Variants in PLEKHH2 observed in about 807,000 individuals in gnomAD.
The protein encoded by PLEKHH2 is pleckstrin homology, MyTH4 and FERM domain containing H2, also known as pleckstrin homology domain-containing family H member 2.
PLEKHH2 carries 129 observed loss-of-function variants against 187.9 expected under a neutral mutation model. The ratio of observed to expected loss-of-function variants is 0.69; its 90% CI spans 0.59 to 0.79. PLEKHH2 has a LOEUF of 0.79. Among genes scored for constraint, PLEKHH2 ranks in the 30% least tolerant of loss-of-function variants. The probability of loss-of-function intolerance (pLI) is 0.00; values close to 1 mark genes in which losing one functional copy is unlikely to be tolerated. For missense variants in PLEKHH2, 2,076 were observed against 1,751.2 expected (o/e 1.19, Z -3.31); for synonymous variants, 686 against 605.6 (o/e 1.13, Z -1.95).
At chr2:43,709,728 C>T (rs1347659044) in intron 11 of PLEKHH2, among the ~76,000 whole-genome samples, 2 of 152,112 alleles carry the variant, frequency 1.3e-5, no homozygotes, top group African/African-American at 4.8e-5. Flanking sequence ...CCCAGCTACT[C>T]GGGAGGCTGA....
At chr2:43,655,487 T>C (rs1666708981) in intron 2 of PLEKHH2, among the ~76,000 whole-genome samples, 1 of 152,180 alleles carries the variant, frequency 6.6e-6, no homozygotes, top group Non-Finnish European at 1.5e-5. Flanking sequence ...ACCTTCAATT[T>C]GAACTTTCAT....
chr2:43,650,220 C>A (rs551622055), intron 2 of PLEKHH2, among the ~76,000 whole-genome samples: 1 of 143,454 alleles, frequency 7.0e-6, no homozygotes, highest in African/African-American at 2.6e-5. Flanking sequence ...GTGCCTTCTG[C>A]CCCCTGGGTT....
intron 6 of PLEKHH2, 73 bp from the exon 7 acceptor site, chr2:43,697,098 A>G (rs1669131275): frequency 1.6e-6 from 2 of 1,266,302 alleles, no homozygotes; most frequent in Non-Finnish European, 2.1e-6. Flanking sequence ...TCAAGTTTTT[A>G]TATGCCTTGG....
At chr2:43,685,668 G>T (rs1292215039) in intron 3 of PLEKHH2, among the ~76,000 whole-genome samples, 3 of 137,134 alleles carry the variant, frequency 2.2e-5, no homozygotes, top group African/African-American at 8.2e-5. Flanking sequence ...TCTCGAACTT[G>T]TCAGCTCAAG....
Position 43,704,064 on chromosome 2 carries a change from C to G in PLEKHH2, c.1726+8C>G. ...TGGAGAGTGTTAATAAAAGTAAGTGCTTTTTCATGCTGCCACCTGGATGAA... is the reference window on the plus strand; with the variant it reads ...TGGAGAGTGTTAATAAAAGTAAGTGGTTTTTCATGCTGCCACCTGGATGAA... On this transcript the variant is annotated splice_region_variant and intron_variant, in intron 9 of 29. Transcript: ENST00000282406. 6.4e-7 allele frequency: 1 copy of G among 1,566,736 alleles called. No homozygotes were observed. The highest frequency in any genetic ancestry group is 8.8e-7 in the Non-Finnish European group (1 of 1,139,808).
At chr2:43,737,890 GCCA>G (rs1671371226) in intron 19 of PLEKHH2, among the ~76,000 whole-genome samples, 1 of 150,426 alleles carries the variant, frequency 6.6e-6, no homozygotes, top group South Asian at 2.1e-4. Flanking sequence ...TTGGAGATTG[GCCA>G]CCACACTTCA....
At chr2:43,655,851 T>C (rs1287537110) in intron 2 of PLEKHH2, among the ~76,000 whole-genome samples, 2 of 152,086 alleles carry the variant, frequency 1.3e-5, no homozygotes. Flanking sequence ...TGCATTTTCA[T>C]GAAAAGAAAA....
chr2:43,660,435 CTTTTTTT>C (rs747756407), intron 2 of PLEKHH2, among the ~76,000 whole-genome samples: 3 of 72,216 alleles, frequency 4.2e-5, no homozygotes, highest in Non-Finnish European at 9.3e-5. Flanking sequence ...ATATGTTTAA[CTTTTTTT>C]TTTTTTTTTT....
chr2:43,710,929 T>A, intron 14 of PLEKHH2: 1 of 1,024,098 alleles, frequency 9.8e-7, no homozygotes, highest in Non-Finnish European at 1.2e-6. Flanking sequence ...TAATGTACTG[T>A]GAAATTCAGG....
intron 19 of PLEKHH2, 89 bp downstream of exon 19, chr2:43,731,691 GGTTACAAAATTTTACTCCAA>G: frequency 1.1e-6 from 1 of 908,472 alleles, no homozygotes; most frequent in Admixed American, 3.3e-5. Flanking sequence ...TAACATTTTG[GGTTACAAAATTTTACTCCAA>G]GAAAATTCAA....
At chr2:43,760,573 G>A (rs1672387755) in intron 27 of PLEKHH2, among the ~76,000 whole-genome samples, 1 of 152,036 alleles carries the variant, frequency 6.6e-6, no homozygotes, top group African/African-American at 2.4e-5. Context: ...ATTTTGGCCA[G>A]ACTAGTCTCG....
At chr2:43,680,619 C>T (rs1435500250) in intron 3 of PLEKHH2, 3 of 275,408 alleles carry the variant, frequency 1.1e-5, no homozygotes, top group African/African-American at 4.6e-5. Context: ...CACTGCTGTT[C>T]TTTCCACTAA....
intron 4 of PLEKHH2, among the ~76,000 whole-genome samples, chr2:43,693,585 G>T (rs1177346817): frequency 6.6e-6 from 1 of 151,944 alleles, no homozygotes; most frequent in East Asian, 1.9e-4. Context: ...TTAGCCGGGC[G>T]TGGTGGCGGG....
intron 1 of PLEKHH2, among the ~76,000 whole-genome samples, chr2:43,641,510 T>TC (rs911584055): frequency 1.1e-4 from 17 of 151,940 alleles, no homozygotes; most frequent in African/African-American, 3.6e-4. Flanking sequence ...AATTTTTTTT[T>TC]TTAGCTCATC....
chr2:43,746,412 G>A (rs1269777350), intron 24 of PLEKHH2, among the ~76,000 whole-genome samples: 1 of 152,154 alleles, frequency 6.6e-6, no homozygotes, highest in Non-Finnish European at 1.5e-5. Flanking sequence ...TCAGACAGCT[G>A]AGGTGGGAGA....
At chr2:43,730,282 C>T (rs1178428976) in intron 18 of PLEKHH2, among the ~76,000 whole-genome samples, 1 of 152,170 alleles carries the variant, frequency 6.6e-6, no homozygotes, top group Non-Finnish European at 1.5e-5. Flanking sequence ...TGTTTTTAAG[C>T]TCATCAGCTA....
chr2:43,726,755 CTG>C (rs1400403314), intron 17 of PLEKHH2, among the ~76,000 whole-genome samples: 9 of 152,126 alleles, frequency 5.9e-5, no homozygotes, highest in African/African-American at 2.2e-4. Context: ...TCTAAGGACT[CTG>C]TTTTATATTT....
intron 22 of PLEKHH2, 22 bp downstream of exon 22, chr2:43,742,940 T>C (rs777288476): frequency 6.8e-7 from 1 of 1,467,074 alleles, no homozygotes; most frequent in South Asian, 1.5e-5. Flanking sequence ...GATGAAAATA[T>C]GCTTAGCCAA....
intron 2 of PLEKHH2, among the ~76,000 whole-genome samples, chr2:43,674,836 T>C (rs750880789): frequency 1.1e-4 from 16 of 152,054 alleles, no homozygotes; most frequent in Non-Finnish European, 1.6e-4. Context: ...AATAAAAAAA[T>C]TAGCTGGGCA....
Sources: gnomAD v4.1 joint callset for allele counts (sites outside exome capture counted in the v4.1 genomes callset) on GRCh38, gnomAD v4.1.1 for gene constraint, MANE v1.5 for transcripts, NCBI Gene and HGNC (gene_info 2026-07-23, HGNC 2026-07-21) for gene names.